LRMDA: variants seen among roughly 807,000 people sequenced by gnomAD.
LRMDA encodes leucine rich melanocyte differentiation associated.
LRMDA carries 18 observed loss-of-function variants against 29.8 expected under a neutral mutation model. The observed-to-expected ratio is 0.60, with a 90% confidence interval of 0.42 to 0.90. The LOEUF (loss-of-function observed/expected upper bound fraction) is 0.90. Ranked by LOEUF, LRMDA falls within the 40% of genes least tolerant of loss-of-function variation. The pLI is 0.00. For missense variants in LRMDA, 273 were observed against 273.9 expected (o/e 1.00, Z 0.02); for synonymous variants, 125 against 109.4 (o/e 1.14, Z -0.89).
At chr10:76,437,077 A>G (rs866263136) in intron 6 of LRMDA, among the ~76,000 whole-genome samples, 2 of 152,188 alleles carry the variant, frequency 1.3e-5, no homozygotes, top group African/African-American at 4.8e-5. Flanking sequence ...AATCATAGCA[A>G]TGGGCTCATT....
At chr10:76,084,660 T>C (rs921909980) in intron 5 of LRMDA, among the ~76,000 whole-genome samples, 2 of 152,164 alleles carry the variant, frequency 1.3e-5, no homozygotes, top group Admixed American at 6.6e-5. Context: ...TAGGTTTATG[T>C]TGAAGGTTAA....
At chr10:76,042,071 C>G (rs1183696068) in intron 3 of LRMDA, among the ~76,000 whole-genome samples, 1 of 152,138 alleles carries the variant, frequency 6.6e-6, no homozygotes, top group Non-Finnish European at 1.5e-5. Context: ...GATCTCAAAA[C>G]CAGCCAACAT....
At chr10:76,178,913 G>A (rs1283091867) in intron 5 of LRMDA, among the ~76,000 whole-genome samples, 1 of 152,164 alleles carries the variant, frequency 6.6e-6, no homozygotes, top group Non-Finnish European at 1.5e-5. Context: ...TTAGGAATAT[G>A]TTCCTGGGCA....
intron 5 of LRMDA, among the ~76,000 whole-genome samples, chr10:76,321,805 TA>T (rs1376646079): frequency 2.0e-5 from 3 of 151,992 alleles, no homozygotes; most frequent in Non-Finnish European, 4.4e-5. Flanking sequence ...ATTAGCTGGA[TA>T]TGATGGCACG....
chr10:76,013,295 AT>A (rs59047696), intron 2 of LRMDA, among the ~76,000 whole-genome samples: 1,782 of 137,730 alleles, frequency 0.013, 18 homozygotes, highest in African/African-American at 0.032. Context: ...AGATGATTTA[AT>A]TTTTTTTTTT....
intron 6 of LRMDA, among the ~76,000 whole-genome samples, chr10:76,411,995 T>C (rs1430221375): frequency 6.6e-6 from 1 of 152,252 alleles, no homozygotes; most frequent in Non-Finnish European, 1.5e-5. Flanking sequence ...CACCTCTTAG[T>C]GCATTTACAA....
chr10:76,114,252 A>G (rs544695430), intron 5 of LRMDA, among the ~76,000 whole-genome samples: 1 of 152,362 alleles, frequency 6.6e-6, no homozygotes, highest in South Asian at 2.1e-4. Context: ...GCCTGTAATC[A>G]ATCATTGTGA....
At chr10:76,293,121 C>T (rs11593556) in intron 5 of LRMDA, among the ~76,000 whole-genome samples, 25,786 of 152,158 alleles carry the variant, frequency 0.17, 2,391 homozygotes, top group Non-Finnish European at 0.23. Context: ...GCTGGGACTA[C>T]AGGCATGTGC....
At chr10:76,328,472 A>G (rs1280130354) in intron 6 of LRMDA, among the ~76,000 whole-genome samples, 2 of 152,220 alleles carry the variant, frequency 1.3e-5, no homozygotes, top group African/African-American at 4.8e-5. Flanking sequence ...GCTGGGGATG[A>G]TGGAGCAACT....
At position 76,181,610 on chromosome 10, in the gene LRMDA, C is replaced by T. The variant is rs58604759; in HGVS notation, c.516+122827C>T. 7.0e-3 allele frequency among the ~76,000 whole-genome samples: 1,064 copies of T among 152,172 alleles called. 39 individuals are homozygous for T. In the East Asian group the frequency reaches 0.11, roughly 16 times the overall value. Reference sequence around the variant, plus strand: ...AGAGAGTCTGTATGCCCATAAGTACCGGGATTCAGGACTTGAGATCAGGCT... The same window carrying T: ...AGAGAGTCTGTATGCCCATAAGTACTGGGATTCAGGACTTGAGATCAGGCT... On this transcript the variant is annotated intron_variant, in intron 5 of 6. Coordinates refer to ENST00000611255, the MANE Select transcript of LRMDA (RefSeq NM_001305581.2).
intron 2 of LRMDA, among the ~76,000 whole-genome samples, chr10:75,447,571 C>G (rs564861634): frequency 6.6e-6 from 1 of 152,228 alleles, no homozygotes; most frequent in Non-Finnish European, 1.5e-5. Flanking sequence ...ATTCTCTTTA[C>G]TTGCACTTTC....
Position 76,182,628 on chromosome 10 carries a change from TGTTAA to T in LRMDA, c.516+123850_516+123854del, listed in dbSNP as rs1236721707. 2.6e-5 allele frequency among the ~76,000 whole-genome samples: 4 copies of T among 152,098 alleles called. No homozygotes were observed. In the East Asian group the frequency reaches 5.8e-4, roughly 22 times the overall value. ...TTCTCTTATCTCTCAGATTTTATAG[TGTTAA>T]GTTAGCACACTGTAGACAGGGTACA... On this transcript the variant is annotated intron_variant, in intron 5 of 6. Transcript: ENST00000611255.
At chr10:76,464,772 C>T (rs1422547783) in intron 6 of LRMDA, 1 of 152,144 alleles carries the variant, frequency 6.6e-6, no homozygotes, top group Non-Finnish European at 1.5e-5. Flanking sequence ...TCATGAGTTT[C>T]CATTATTCAA....
chr10:75,885,980 T>C (rs1845381033), intron 2 of LRMDA, among the ~76,000 whole-genome samples: 3 of 152,234 alleles, frequency 2.0e-5, no homozygotes, highest in African/African-American at 4.8e-5. Flanking sequence ...AGAAGCGTAG[T>C]TGAACTTTCC....
intron 2 of LRMDA, among the ~76,000 whole-genome samples, chr10:75,999,894 A>G (rs1387899561): frequency 6.6e-6 from 1 of 152,206 alleles, no homozygotes; most frequent in Non-Finnish European, 1.5e-5. Context: ...TTGTCTGATT[A>G]TACATGATAA....
chr10:75,882,965 G>A (rs1010193140), intron 2 of LRMDA, among the ~76,000 whole-genome samples: 6 of 152,138 alleles, frequency 3.9e-5, no homozygotes, highest in Admixed American at 2.0e-4. Context: ...TTCATTAAGC[G>A]TAATTTACAT....
chr10:76,363,212 A>AG (rs1457215524), intron 6 of LRMDA, among the ~76,000 whole-genome samples: 473 of 8,708 alleles, frequency 0.054, 57 homozygotes, highest in Middle Eastern at 0.12. Flanking sequence ...GAGGGAGGGA[A>AG]GGAAGAGAAA....
At chr10:76,200,628 T>C (rs1290467864) in intron 5 of LRMDA, among the ~76,000 whole-genome samples, 1 of 152,166 alleles carries the variant, frequency 6.6e-6, no homozygotes, top group Non-Finnish European at 1.5e-5. Context: ...GCTAATCGAC[T>C]TCATCATAAA....
At chr10:75,961,103 C>G (rs1057253344) in intron 2 of LRMDA, among the ~76,000 whole-genome samples, 2 of 152,196 alleles carry the variant, frequency 1.3e-5, no homozygotes, top group Non-Finnish European at 2.9e-5. Context: ...CTGGAACTCT[C>G]TCTCCCATAT....
Sources: gnomAD v4.1 joint callset for allele counts (sites outside exome capture counted in the v4.1 genomes callset) on GRCh38, gnomAD v4.1.1 for gene constraint, MANE v1.5 for transcripts, NCBI Gene and HGNC (gene_info 2026-07-23, HGNC 2026-07-21) for gene names.